Variants in MAP3K7 observed in about 807,000 individuals in gnomAD.
MAP3K7 encodes the protein mitogen-activated protein kinase kinase kinase 7.
A neutral mutation model predicts 84.8 loss-of-function variants in MAP3K7; 21 were observed. That is an observed-to-expected ratio of 0.25 (90% CI 0.18 to 0.36). The LOEUF is 0.36. Among genes scored for constraint, MAP3K7 ranks in the 10% least tolerant of loss-of-function variants. MAP3K7 has a pLI of 1.00. For missense variants in MAP3K7, 503 were observed against 747.7 expected (o/e 0.67, Z 3.82); for synonymous variants, 241 against 247.7 (o/e 0.97, Z 0.25).
intron 7 of MAP3K7, 125 bp downstream of exon 7, chr6:90,553,333 T>G (rs1776238887): frequency 1.0e-6 from 1 of 988,786 alleles, no homozygotes; most frequent in South Asian, 1.7e-5. Context: ...CAAAGCAGTC[T>G]CTTAACAAAG....
chr6:90,541,752 C>T (rs1341241121), intron 12 of MAP3K7, among the ~76,000 whole-genome samples: 1 of 151,938 alleles, frequency 6.6e-6, no homozygotes, highest in African/African-American at 2.4e-5. Flanking sequence ...GCATAGTATA[C>T]ACATTTTGAA....
chr6:90,516,891 C>T (rs575007024), intron 16 of MAP3K7, among the ~76,000 whole-genome samples: 1 of 151,992 alleles, frequency 6.6e-6, no homozygotes, highest in Admixed American at 6.6e-5. Flanking sequence ...TATTAAGTAA[C>T]TGTACTTGGA....
intron 3 of MAP3K7, among the ~76,000 whole-genome samples, chr6:90,568,088 A>C (rs1211813957): frequency 6.6e-5 from 1 of 15,258 alleles, no homozygotes; most frequent in Non-Finnish European, 1.7e-4. Flanking sequence ...TGGGAGGGAT[A>C]AGCATTAGGA....
chr6:90,526,642 TA>T (rs1775331139), intron 13 of MAP3K7, among the ~76,000 whole-genome samples: 1 of 151,510 alleles, frequency 6.6e-6, no homozygotes. Context: ...CTAACTTAGT[TA>T]AAAAAAAGAA....
intron 12 of MAP3K7, among the ~76,000 whole-genome samples, chr6:90,543,152 G>A (rs990048371): frequency 5.3e-5 from 8 of 151,930 alleles, no homozygotes; most frequent in African/African-American, 1.9e-4. Flanking sequence ...GTACCTTTCC[G>A]CATGGAGGTA....
intron 3 of MAP3K7, among the ~76,000 whole-genome samples, chr6:90,567,416 C>T (rs1326031754): frequency 6.6e-6 from 1 of 152,234 alleles, no homozygotes; most frequent in Non-Finnish European, 1.5e-5. Flanking sequence ...TATGAACAGA[C>T]ACTTCTCAAA....
chr6:90,584,372 CA>C (rs1332143167), intron 1 of MAP3K7, among the ~76,000 whole-genome samples: 1 of 151,850 alleles, frequency 6.6e-6, no homozygotes, highest in East Asian at 1.9e-4. Context: ...ATCTTTAATG[CA>C]AAAATGAACT....
intron 1 of MAP3K7, among the ~76,000 whole-genome samples, chr6:90,576,427 A>T (rs370850116): frequency 0.15 from 12,074 of 81,740 alleles, 639 homozygotes; most frequent in Middle Eastern, 0.19. Context: ...TGTCACACAC[A>T]CACACACACA....
intron 2 of MAP3K7, among the ~76,000 whole-genome samples, chr6:90,570,226 T>A (rs1776856083): frequency 6.6e-6 from 1 of 152,118 alleles, no homozygotes; most frequent in African/African-American, 2.4e-5. Flanking sequence ...ACAGCATACA[T>A]TTTTGGAAGC....
intron 13 of MAP3K7, among the ~76,000 whole-genome samples, chr6:90,524,609 A>C (rs1007629710): frequency 6.6e-6 from 1 of 152,196 alleles, no homozygotes; most frequent in Non-Finnish European, 1.5e-5. Context: ...ATGGGCAAAA[A>C]CTGAGTTTAC....
intron 6 of MAP3K7, among the ~76,000 whole-genome samples, chr6:90,554,709 C>T (rs150593394): frequency 6.6e-6 from 1 of 152,154 alleles, no homozygotes; most frequent in African/African-American, 2.4e-5. Flanking sequence ...ATAAACAAAT[C>T]TTTTTGCTCT....
In MAP3K7 at chr6:90,586,870, G is replaced by A; in HGVS notation, c.14C>T (p.Ser5Phe). The A allele has an allele frequency of 6.2e-7, 1 of 1,610,564 alleles. No homozygotes were observed. The highest frequency in any genetic ancestry group is 2.3e-5 in the East Asian group (1 of 44,292). MSTASAASSSSSSSA... is the reference protein window; with the variant it reads MSTAFAASSSSSSSA... ...AGACGAGGAGGAGGAGGAGGCGGCA[G>A]AGGCTGTAGACATGATCCCTCGCGG... The change falls in exon 1 of 17, where the codon TCT becomes TTT. Residue 5 changes from serine to phenylalanine, a missense_variant. Ser to Phe is a radical substitution (Grantham distance 155). Around this residue, in one of 5 missense-constraint regions of MAP3K7, gnomAD observed 41 missense variants for 41.4 expected, o/e 0.99. Transcript: ENST00000369329.
intron 13 of MAP3K7, among the ~76,000 whole-genome samples, chr6:90,535,318 T>C (rs191381414): frequency 6.1e-4 from 93 of 151,982 alleles, no homozygotes; most frequent in African/African-American, 2.1e-3. Context: ...CTTTTTAGGA[T>C]GACAAGTACT....
At chr6:90,533,121 C>T (rs1189614452) in intron 13 of MAP3K7, among the ~76,000 whole-genome samples, 3 of 152,184 alleles carry the variant, frequency 2.0e-5, no homozygotes, top group African/African-American at 7.2e-5. Flanking sequence ...ATCCTGATAA[C>T]AGGATTAACA....
rs2127969969 is a variant in MAP3K7, at chr6:90,544,564, T to C, written c.1279A>G (p.Ile427Val). The stretch of plus-strand genomic sequence containing the variant: ...TGGTCTATGATACCTGATATGACGA[T>C]CTCAGGGACATCCAGAATGTTGCCA... ...SFGNILDVPE[I>V]VISGNGQPRR... The change falls in exon 12 of 17, where the codon ATC (isoleucine) becomes GTC (valine). Residue 427 changes from isoleucine to valine, a missense_variant. This residue lies in a region of MAP3K7 where 286 missense variants were observed against 313.6 expected (regional missense o/e 0.91). Coordinates refer to ENST00000369329, the MANE Select transcript of MAP3K7 (RefSeq NM_145331.3). 6.2e-7 allele frequency: 1 copy of C among 1,612,392 alleles called. No individual in the cohort carries two copies. Among genetic ancestry groups the C allele is most frequent in the East Asian group, 2.2e-5 (1 of 44,824 alleles).
chr6:90,568,713 C>T (rs1212930436), intron 2 of MAP3K7, 90 bp from the exon 3 acceptor site: 4 of 920,670 alleles, frequency 4.3e-6, no homozygotes, highest in Non-Finnish European at 6.6e-6. Flanking sequence ...TTGTACAAAA[C>T]ATTTGTTTAA....
intron 16 of MAP3K7, among the ~76,000 whole-genome samples, chr6:90,518,043 T>C (rs1775025544): frequency 6.6e-6 from 1 of 151,798 alleles, no homozygotes; most frequent in Admixed American, 6.6e-5. Flanking sequence ...CACTCAGTTA[T>C]GAAATACAGT....
chr6:90,542,133 A>ATT (rs1775872601), intron 12 of MAP3K7: 1 of 563,900 alleles, frequency 1.8e-6, no homozygotes, highest in South Asian at 7.8e-5. Flanking sequence ...TCTAGAAAGT[A>ATT]TTAAGAAATT....
intron 5 of MAP3K7, among the ~76,000 whole-genome samples, chr6:90,557,074 T>C (rs1047690591): frequency 1.3e-5 from 2 of 152,218 alleles, no homozygotes; most frequent in African/African-American, 4.8e-5. Context: ...TAATTTAATG[T>C]CTTTATTTTG....
Sources: gnomAD v4.1 joint callset for allele counts (sites outside exome capture counted in the v4.1 genomes callset) on GRCh38, gnomAD v4.1.1 for gene constraint, gnomAD v4.1.1 regional missense constraint, MANE v1.5 for transcripts, NCBI Gene and HGNC (gene_info 2026-07-23, HGNC 2026-07-21) for gene names.